Variants in CCDC141 observed in about 807,000 individuals in gnomAD.
The protein encoded by CCDC141 is coiled-coil domain containing 141.
CCDC141 carries 168 observed loss-of-function variants against 181.0 expected under a neutral mutation model. The ratio of observed to expected loss-of-function variants is 0.93; its 90% CI spans 0.82 to 1.05. The LOEUF (loss-of-function observed/expected upper bound fraction) is 1.05, where lower values mean the gene tolerates loss of function less well. Ranked by LOEUF, CCDC141 falls within the 50% of genes least tolerant of loss-of-function variation. The pLI is 0.00. For synonymous variants in CCDC141, 666 were observed against 642.3 expected (o/e 1.04, Z -0.56); for missense variants, 1,902 against 1,788.5 (o/e 1.06, Z -1.14).
chr2:179,000,599 T>C (rs1422483307), intron 2 of CCDC141, among the ~76,000 whole-genome samples: 1 of 152,152 alleles, frequency 6.6e-6, no homozygotes, highest in African/African-American at 2.4e-5. Flanking sequence ...TCCCATCACA[T>C]GGGATGCCAT....
At position 178,836,969 on chromosome 2, in the gene CCDC141, T is replaced by C. The variant is rs1205591129; in HGVS notation, c.4250A>G (p.Asn1417Ser). Reference protein sequence around the residue: ...QAPNFSRLLSNVTVMEGSPVT... With the variant: ...QAPNFSRLLSSVTVMEGSPVT... ...TGGAGAACCTTCCATGACAGTTACA[T>C]TAGACAGGAGCCTGGAGAAATTAGG... is the stretch of plus-strand genomic sequence containing the variant. The change falls in exon 23 of 24, where the codon AAT becomes AGT. Residue 1417 changes from asparagine (N) to serine (S), a missense_variant. Coordinates refer to ENST00000443758, the MANE Select transcript of CCDC141 (RefSeq NM_173648.4). 2 of 1,613,852 alleles carry C rather than the reference T, an allele frequency of 1.2e-6. No homozygotes were observed. Among genetic ancestry groups the C allele is most frequent in the South Asian group, 1.1e-5 (1 of 91,068 alleles).
At chr2:179,010,747 CA>C (rs2042245246) in intron 2 of CCDC141, among the ~76,000 whole-genome samples, 1 of 151,928 alleles carries the variant, frequency 6.6e-6, no homozygotes, top group African/African-American at 2.4e-5. Flanking sequence ...AGTTAAAAAG[CA>C]AAAACAAAAA....
intron 11 of CCDC141, among the ~76,000 whole-genome samples, chr2:178,881,911 T>TCACA (rs1158646637): frequency 1.9e-5 from 2 of 107,158 alleles, no homozygotes; most frequent in African/African-American, 7.5e-5. Context: ...TCTCTCTCTC[T>TCACA]CTCTCACACA....
chr2:178,941,684 A>G (rs1221241905), intron 6 of CCDC141, among the ~76,000 whole-genome samples: 1 of 151,770 alleles, frequency 6.6e-6, no homozygotes, highest in African/African-American at 2.4e-5. Context: ...CAGGTATGAG[A>G]GTTCATGCCT....
At chr2:178,994,609 C>T (rs186962198) in intron 2 of CCDC141, among the ~76,000 whole-genome samples, 67 of 152,272 alleles carry the variant, frequency 4.4e-4, no homozygotes, top group African/African-American at 1.5e-3. Flanking sequence ...ATTAGCTCCT[C>T]GTTACTTATG....
chr2:179,037,619 A>G (rs764066556), intron 2 of CCDC141, among the ~76,000 whole-genome samples: 1 of 152,234 alleles, frequency 6.6e-6, no homozygotes, highest in Non-Finnish European at 1.5e-5. Context: ...ATTAATATCT[A>G]AAATATAAAA....
chr2:179,007,751 A>T (rs1030801358), intron 2 of CCDC141, among the ~76,000 whole-genome samples: 1 of 152,234 alleles, frequency 6.6e-6, no homozygotes, highest in Non-Finnish European at 1.5e-5. Flanking sequence ...CAAAAAGATT[A>T]AATGTTTTAA....
chr2:178,983,103 C>A (rs1006456574), intron 2 of CCDC141, among the ~76,000 whole-genome samples: 5 of 152,166 alleles, frequency 3.3e-5, no homozygotes, highest in African/African-American at 9.7e-5. Context: ...TCTCCCAGTA[C>A]GCAGCTGGAG....
intron 3 of CCDC141, among the ~76,000 whole-genome samples, chr2:178,976,527 C>T (rs371620218): frequency 4.6e-5 from 7 of 152,190 alleles, no homozygotes; most frequent in Admixed American, 6.5e-5. Context: ...CCTATTAGAA[C>T]AACCTGATGG....
intron 8 of CCDC141, among the ~76,000 whole-genome samples, chr2:178,890,973 AT>A (rs1687121785): frequency 6.6e-6 from 1 of 152,142 alleles, no homozygotes; most frequent in Admixed American, 6.5e-5. Context: ...AATAACTTCA[AT>A]TTTTAGCCAA....
intron 7 of CCDC141, among the ~76,000 whole-genome samples, chr2:178,907,826 T>C (rs933365507): frequency 2.6e-5 from 4 of 151,808 alleles, no homozygotes; most frequent in Non-Finnish European, 4.4e-5. Flanking sequence ...AAGCCTCGTC[T>C]CTACTAAAAA....
chr2:178,917,829 C>T (rs945636001), intron 7 of CCDC141, among the ~76,000 whole-genome samples: 1 of 152,158 alleles, frequency 6.6e-6, no homozygotes, highest in East Asian at 1.9e-4. Flanking sequence ...TGGAGATGGT[C>T]CACAGCCAGA....
In CCDC141 at chr2:178,905,323, A is replaced by G; in HGVS notation, c.1265+6T>C. ...TTACACTGAGAAAGAAATCAACTTT[A>G]CTCACCTGCAGGAGTCTACTTGGCT... is the stretch of plus-strand genomic sequence containing the variant. On this transcript the variant is annotated splice_donor_region_variant and intron_variant, in intron 8 of 23. Coordinates refer to ENST00000443758, the MANE Select transcript of CCDC141 (RefSeq NM_173648.4). The G allele has an allele frequency of 6.5e-7, 1 of 1,538,226 alleles. No homozygotes were observed. Among genetic ancestry groups the G allele is most frequent in the Non-Finnish European group, 8.8e-7 (1 of 1,142,236 alleles).
chr2:179,012,676 A>C lies in CCDC141; in HGVS notation c.226-34001T>G, dbSNP rs574353355. 4.6e-5 allele frequency among the ~76,000 whole-genome samples: 7 copies of C among 152,290 alleles called. No individual in the cohort carries two copies. In the South Asian group the frequency reaches 1.5e-3, roughly 32 times the overall value. On this transcript the variant is annotated intron_variant, in intron 2 of 23. Transcript: ENST00000443758. ...GGACATAACCAAAAAAGAAAACTAC[A>C]GACTGATATCCTTGATGAACATAGA...
chr2:179,041,463 G>T, intron 2 of CCDC141, among the ~76,000 whole-genome samples: 1 of 112,018 alleles, frequency 8.9e-6, no homozygotes, highest in African/African-American at 3.4e-5. Context: ...CATGTCCTTT[G>T]CCTATTATTT....
rs1266704775 is a variant in CCDC141 at position 178,966,705 on chromosome 2, TCAAAACTCCTCACCAG to T, written c.527-5238_527-5223del. Among the ~76,000 whole-genome samples, 5 of 151,892 alleles carry T rather than the reference TCAAAACTCCTCACCAG, an allele frequency of 3.3e-5. No homozygotes were observed. In the South Asian group the frequency reaches 1.0e-3, roughly 32 times the overall value. On this transcript the variant is annotated intron_variant, in intron 4 of 23. Transcript: ENST00000443758. Reference sequence around the variant, plus strand: ...CGAATGCTGCTTCTCCTCCAAAGGATCAAAACTCCTCACCAGCAAGGGAACAAAACTGGACGGAGAA... The same window carrying T: ...CGAATGCTGCTTCTCCTCCAAAGGATCAAGGGAACAAAACTGGACGGAGAA...
chr2:178,827,884 T>G (rs2154364947), downstream of CCDC141, among the ~76,000 whole-genome samples: 1 of 152,346 alleles, frequency 6.6e-6, no homozygotes, highest in East Asian at 1.9e-4. Flanking sequence ...GTCCAAAGTC[T>G]AAGCCAAAAC....
At chr2:179,047,840 G>A (rs908412308) in intron 1 of CCDC141, among the ~76,000 whole-genome samples, 19 of 152,188 alleles carry the variant, frequency 1.2e-4, no homozygotes, top group Non-Finnish European at 7.4e-5. Flanking sequence ...GAAAGTTCTT[G>A]TAAATGCAAT....
At chr2:178,858,627 G>T (rs1305678193) in intron 17 of CCDC141, among the ~76,000 whole-genome samples, 3 of 151,950 alleles carry the variant, frequency 2.0e-5, no homozygotes, top group Non-Finnish European at 4.4e-5. Flanking sequence ...AGTTAAGCTG[G>T]TAAATTTCAT....
Sources: gnomAD v4.1 joint callset for allele counts (sites outside exome capture counted in the v4.1 genomes callset) on GRCh38, gnomAD v4.1.1 for gene constraint, MANE v1.5 for transcripts, NCBI Gene and HGNC (gene_info 2026-07-23, HGNC 2026-07-21) for gene names.